ELOF1: variants seen among roughly 807,000 people sequenced by gnomAD.
The protein encoded by ELOF1 is transcription elongation factor 1 homolog.
ELOF1 carries 4 observed loss-of-function variants against 7.1 expected under a neutral mutation model. That is an observed-to-expected ratio of 0.56 (90% confidence interval 0.28 to 1.29). The LOEUF is 1.29. ELOF1 is among the 50% of genes most tolerant of loss of function. The pLI is 0.10. For missense variants in ELOF1, 59 were observed against 86.3 expected (o/e 0.68, Z 1.25); for synonymous variants, 31 against 31.9 (o/e 0.97, Z 0.09).
At chr19:11,557,650 T>G (rs1169199973) in intron 1 of ELOF1, among the ~76,000 whole-genome samples, 1 of 142,478 alleles carries the variant, frequency 7.0e-6, no homozygotes, top group Non-Finnish European at 1.5e-5. Flanking sequence ...ATCCCAGCAC[T>G]TTGGGAGGCC....
intron 3 of ELOF1, chr19:11,553,789 A>C: frequency 6.2e-7 from 1 of 1,614,184 alleles, no homozygotes; most frequent in South Asian, 1.1e-5. Context: ...ATCACTGTAC[A>C]CATCCACGGG....
At chr19:11,554,161 A>C in intron 2 of ELOF1, 71 bp downstream of exon 2, 1 of 1,614,074 alleles carries the variant, frequency 6.2e-7, no homozygotes, top group Non-Finnish European at 8.5e-7. Flanking sequence ...AAGGGAGGCA[A>C]GGGGCAGGAT....
chr19:11,557,231 C>T (rs1481803494), intron 1 of ELOF1, among the ~76,000 whole-genome samples: 1 of 152,178 alleles, frequency 6.6e-6, no homozygotes, highest in Admixed American at 6.6e-5. Flanking sequence ...TCCCTGTCCT[C>T]TGCCTCACTG....
At chr19:11,554,288 G>C (rs765296221) in exon 2 of ELOF1, 6 of 1,613,984 alleles carry the variant, frequency 3.7e-6, no homozygotes, top group Non-Finnish European at 5.1e-6. Context: ...ACTGGGTCTC[G>C]AGGGTGCCTG....
At chr19:11,553,975 C>T (rs1284431721) in intron 3 of ELOF1, 36 bp downstream of exon 3, 14 of 1,614,030 alleles carry the variant, frequency 8.7e-6, no homozygotes, top group Non-Finnish European at 1.1e-5. Flanking sequence ...AGCCCCCTCC[C>T]CACCCTCTGG....
chr19:11,554,199 G>A, intron 2 of ELOF1, 33 bp downstream of exon 2: 1 of 1,613,230 alleles, frequency 6.2e-7, no homozygotes. Context: ...AGGCAGTGGG[G>A]AGGCTGGATC....
rs1972761652 is a variant in ELOF1 at position 11,553,466 on chromosome 19, G to C, written c.188-411C>G. 6 of 582,278 alleles carry C rather than the reference G, an allele frequency of 1.0e-5. No individual in the cohort carries two copies. In the Admixed American group the frequency reaches 1.5e-4, roughly 14 times the overall value. The allele number at this position is 582,278 out of a possible 1,614,324, so 36.1% of individuals were successfully genotyped here. A position where few individuals can be genotyped will look rare whatever the true frequency, so the allele number is the denominator to read the frequency against. ...AGTGAGATCAGTTCAGGCCCCTCAG[G>C]CCCAGGAACCCGACACCACCGCGTA... On this transcript the variant is annotated intron_variant, in intron 3 of 3. Coordinates refer to ENST00000586683, the Ensembl canonical transcript of ELOF1.
At chr19:11,556,750 T>G (rs969557372) in intron 1 of ELOF1, among the ~76,000 whole-genome samples, 2 of 152,180 alleles carry the variant, frequency 1.3e-5, no homozygotes, top group African/African-American at 2.4e-5. Flanking sequence ...CAGGCTGGAG[T>G]GCAGTGGCAT....
At chr19:11,553,957 C>T (rs767464156) in intron 3 of ELOF1, 54 bp downstream of exon 3, 91 of 1,612,600 alleles carry the variant, frequency 5.6e-5, no homozygotes, top group Non-Finnish European at 6.9e-5. Context: ...GAGCAGGGTC[C>T]GGACTCCAGC....
At chr19:11,553,109 T>C in intron 3 of ELOF1, 2 of 401,366 alleles carry the variant, frequency 5.0e-6, no homozygotes, top group Middle Eastern at 1.3e-3. Flanking sequence ...AGCCCTTGCT[T>C]CCTCTACAAA....
chr19:11,557,944 T>C (rs1317722434), intron 1 of ELOF1, among the ~76,000 whole-genome samples: 1 of 152,158 alleles, frequency 6.6e-6, no homozygotes, highest in Non-Finnish European at 1.5e-5. Context: ...CACCCAGTCT[T>C]AGGGCTTCAT....
chr19:11,553,745 GCTA>G (rs1972777709), intron 3 of ELOF1: 18 of 1,614,186 alleles, frequency 1.1e-5, no homozygotes, highest in Non-Finnish European at 1.5e-5. Context: ...CCTCTGTGTC[GCTA>G]CTGATTGGCC....
chr19:11,556,476 T>G (rs1006067051), intron 1 of ELOF1, among the ~76,000 whole-genome samples: 4 of 151,998 alleles, frequency 2.6e-5, no homozygotes, highest in Non-Finnish European at 5.9e-5. Context: ...ATTTTTTGTA[T>G]TTTTAGTAGA....
chr19:11,554,457 A>G lies in ELOF1; in HGVS notation c.-18-92T>C, dbSNP rs866354566. 35 of 1,510,288 alleles carry G rather than the reference A, an allele frequency of 2.3e-5. No individual in the cohort carries two copies. The African/African-American group carries it at 4.3e-4, about 19-fold the overall frequency. The allele number at this position is 1,510,288 out of a possible 1,614,324, so 93.6% of individuals were successfully genotyped here. ...AAGCAGGCCGGAAAGAGGGTCTGGGACTTGCACCGTGGTCCCGGGGCCTCT... is the reference window on the plus strand; with the variant it reads ...AAGCAGGCCGGAAAGAGGGTCTGGGGCTTGCACCGTGGTCCCGGGGCCTCT... On this transcript the variant is annotated intron_variant, in intron 1 of 3. Transcript: ENST00000586683.
intron 3 of ELOF1, chr19:11,553,583 A>ACT: frequency 1.2e-3 from 6 of 4,828 alleles, no homozygotes; most frequent in South Asian, 6.7e-3. Flanking sequence ...CACACCCACT[A>ACT]CACACACACA....
intron 3 of ELOF1, chr19:11,553,682 A>G (rs1460504986): frequency 6.2e-7 from 1 of 1,604,514 alleles, no homozygotes; most frequent in Admixed American, 1.7e-5. Context: ...ATGTCTCTGG[A>G]CCAGAACCGA....
At chr19:11,558,240 T>C (rs1231583698) in intron 1 of ELOF1, among the ~76,000 whole-genome samples, 5 of 152,076 alleles carry the variant, frequency 3.3e-5, no homozygotes, top group African/African-American at 1.2e-4. Context: ...CCTGCCCCTC[T>C]ACCTCTGAAA....
Position 11,554,097 on chromosome 19 carries a change from A to G in ELOF1, c.117-16T>C. Reference sequence around the variant, plus strand: ...GGCACGGTCCCTGAAACAGACCAAGAGAAGGGACTGGTGAGCAATGCGTCC... The same window carrying G: ...GGCACGGTCCCTGAAACAGACCAAGGGAAGGGACTGGTGAGCAATGCGTCC... On this transcript the variant is annotated splice_polypyrimidine_tract_variant and intron_variant, in intron 2 of 3. Transcript: ENST00000586683. The G allele has an allele frequency of 6.2e-7, 1 of 1,614,214 alleles. No homozygotes were observed. The highest frequency in any genetic ancestry group is 8.5e-7 in the Non-Finnish European group (1 of 1,180,050).
At chr19:11,553,928 G>A in intron 3 of ELOF1, 83 bp downstream of exon 3, 7 of 1,610,374 alleles carry the variant, frequency 4.3e-6, no homozygotes, top group Non-Finnish European at 5.9e-6. Context: ...CCTGCACCAG[G>A]GCACACAGTG....
Sources: allele counts gnomAD v4.1 joint callset (sites outside exome capture counted in the v4.1 genomes callset), GRCh38; gene constraint gnomAD v4.1.1; transcripts MANE v1.5; gene names NCBI Gene and HGNC (gene_info 2026-07-23, HGNC 2026-07-21).